Variants in USP25 observed in about 807,000 individuals in gnomAD.
USP25 encodes ubiquitin specific peptidase 25.
A neutral mutation model predicts 158.5 loss-of-function variants in USP25; 85 were observed. The ratio of observed to expected loss-of-function variants is 0.54; its 90% CI spans 0.45 to 0.64. The LOEUF (loss-of-function observed/expected upper bound fraction) is 0.64. Ranked by LOEUF, USP25 falls within the 30% of genes least tolerant of loss-of-function variation. The pLI is 0.00. For missense variants in USP25, 1,242 were observed against 1,327.3 expected, an observed-to-expected ratio of 0.94 and a Z score of 1.00; for synonymous variants, 464 against 460.4, an observed-to-expected ratio of 1.01 and a Z score of -0.10.
At chr21:15,846,122 G>GTATATATATATA (rs34210530) in intron 18 of USP25, among the ~76,000 whole-genome samples, 1 of 55,708 alleles carries the variant, frequency 1.8e-5, no homozygotes, top group Non-Finnish European at 3.1e-5. Flanking sequence ...GTGTGTGTGT[G>GTATATATATATA]TATATATATA....
At position 15,830,743 on chromosome 21, in the gene USP25, T is replaced by C. The variant is rs561328180; in HGVS notation, c.1764+142T>C. On this transcript the variant is annotated intron_variant, in intron 15 of 25. Transcript: ENST00000400183. ...AATCTTATTGTAAAATAATAAGGGC[T>C]TGCAATATGTACAATGTGACAGTTC... is the stretch of plus-strand genomic sequence containing the variant. 2.2e-5 allele frequency: 13 copies of C among 595,696 alleles called. No individual in the cohort carries two copies. The South Asian group carries it at 2.6e-4, about 12-fold the overall frequency. The allele number at this position is 595,696 out of a possible 1,614,324, so 36.9% of individuals were successfully genotyped here. A position where few individuals can be genotyped will look rare whatever the true frequency, so the allele number is the denominator to read the frequency against.
chr21:15,862,908 G>A (rs1236071840), intron 20 of USP25, among the ~76,000 whole-genome samples: 2 of 151,788 alleles, frequency 1.3e-5, no homozygotes, highest in African/African-American at 2.4e-5. Flanking sequence ...ATGTTTATCA[G>A]TTATTTTTTC....
intron 10 of USP25, among the ~76,000 whole-genome samples, chr21:15,819,918 A>G (rs192270980): frequency 3.9e-5 from 6 of 152,128 alleles, no homozygotes; most frequent in Non-Finnish European, 7.4e-5. Flanking sequence ...GAAGAGATGT[A>G]TTTGAAATAG....
intron 10 of USP25, among the ~76,000 whole-genome samples, chr21:15,820,801 A>G (rs1212895171): frequency 6.6e-6 from 1 of 151,916 alleles, no homozygotes; most frequent in Non-Finnish European, 1.5e-5. Flanking sequence ...TGTTGATTTT[A>G]TTTTGGCCCA....
At chr21:15,777,130 T>C (rs887725692) in intron 3 of USP25, among the ~76,000 whole-genome samples, 2 of 152,210 alleles carry the variant, frequency 1.3e-5, no homozygotes, top group African/African-American at 4.8e-5. Context: ...GCGGTATTAG[T>C]TGTAACCTTT....
chr21:15,824,167 G>A lies in USP25; in HGVS notation c.1208+1G>A. 6.2e-7 allele frequency: 1 copy of A among 1,611,490 alleles called. No homozygotes were observed. The highest frequency in any genetic ancestry group is 8.5e-7 in the Non-Finnish European group (1 of 1,179,648). The stretch of plus-strand genomic sequence containing the variant: ...TTCCCCAAGTTTTATATTTGGACAG[G>A]TATGGTTTGATATACTGCATGACTT... On this transcript the variant is annotated splice_donor_variant, in intron 11 of 25. Transcript: ENST00000400183. LOFTEE classifies it high-confidence loss of function.
At position 15,799,837 on chromosome 21, in the gene USP25, C is replaced by G; in HGVS notation, c.636C>G (p.Asn212Lys). 6.2e-7 allele frequency: 1 copy of G among 1,600,878 alleles called. No homozygotes were observed. Among genetic ancestry groups the G allele is most frequent in the African/African-American group, 1.3e-5 (1 of 74,236 alleles). The change falls in exon 6 of 26, where the codon AAC becomes AAG. Residue 212 changes from asparagine to lysine, a missense_variant. Transcript: ENST00000400183. Reference sequence around the variant, plus strand: ...CAAATGCTCAAGATTTACCCCGAAACCAAAAGGTAAAATTCAAAAGATTTT... The same window carrying G: ...CAAATGCTCAAGATTTACCCCGAAAGCAAAAGGTAAAATTCAAAAGATTTT... ...PPSNAQDLPRNQKEHRNLPFM... is the reference protein window; with the variant it reads ...PPSNAQDLPRKQKEHRNLPFM...
intron 20 of USP25, among the ~76,000 whole-genome samples, chr21:15,854,440 G>A (rs1184776710): frequency 6.6e-6 from 1 of 151,964 alleles, no homozygotes; most frequent in South Asian, 2.1e-4. Flanking sequence ...CACCACGCCC[G>A]GCCGTGTTTT....
chr21:15,759,098 G>C (rs2033574651), intron 1 of USP25, among the ~76,000 whole-genome samples: 1 of 152,126 alleles, frequency 6.6e-6, no homozygotes, highest in Non-Finnish European at 1.5e-5. Context: ...AATCAGATTT[G>C]GAGTGCTGGT....
chr21:15,811,097 GA>G (rs1484285986), intron 8 of USP25, 39 bp from the exon 9 acceptor site: 1 of 1,565,080 alleles, frequency 6.4e-7, no homozygotes. Flanking sequence ...TTATAGGTCC[GA>G]AAATTGTAAT....
intron 20 of USP25, among the ~76,000 whole-genome samples, chr21:15,850,817 A>G (rs534887092): frequency 9.9e-5 from 15 of 152,086 alleles, no homozygotes; most frequent in Non-Finnish European, 1.6e-4. Flanking sequence ...TGAGTTTGCT[A>G]AGATTAGGGT....
chr21:15,781,760 T>C (rs2034977868), intron 4 of USP25, among the ~76,000 whole-genome samples: 1 of 152,098 alleles, frequency 6.6e-6, no homozygotes, highest in South Asian at 2.1e-4. Flanking sequence ...TCAGTCCTCA[T>C]CACCACCACA....
chr21:15,754,221 C>T (rs992070185), intron 1 of USP25, among the ~76,000 whole-genome samples: 1 of 152,156 alleles, frequency 6.6e-6, no homozygotes, highest in East Asian at 1.9e-4. Context: ...GTGGTGTGTC[C>T]TGAGCCCCAG....
rs1340211017 is a variant in USP25 at position 15,816,051 on chromosome 21, A to G, written c.932-2647A>G. Among the ~76,000 whole-genome samples, 1 of 152,172 alleles carries G rather than the reference A, an allele frequency of 6.6e-6. No individual in the cohort carries two copies. The highest frequency in any genetic ancestry group is 1.5e-5 in the Non-Finnish European group (1 of 68,030). On this transcript the variant is annotated intron_variant, in intron 9 of 25. Transcript: ENST00000400183. This position sits in a 1 kb window ranked among gnomAD's most constrained non-coding sequence, Gnocchi z 4.0. ...AATGATGTGGTTCAGCTGTGTCCTG[A>G]TGTAAATCTCAACTTGAATTATATC...
At chr21:15,822,931 T>C (rs1371867113) in intron 10 of USP25, among the ~76,000 whole-genome samples, 3 of 152,082 alleles carry the variant, frequency 2.0e-5, no homozygotes, top group African/African-American at 4.8e-5. Flanking sequence ...CAAGTAATTA[T>C]AGCATTTTGA....
intron 4 of USP25, among the ~76,000 whole-genome samples, chr21:15,780,362 G>A (rs1007991317): frequency 6.6e-6 from 1 of 152,030 alleles, no homozygotes; most frequent in African/African-American, 2.4e-5. Context: ...ACACTTTTTA[G>A]TGTCAGAATT....
chr21:15,799,552 T>G (rs1463916168), intron 5 of USP25: 4 of 384,348 alleles, frequency 1.0e-5, no homozygotes, highest in Non-Finnish European at 1.9e-5. Context: ...AATATAATCT[T>G]GTGCACTATC....
chr21:15,871,956 A>T (rs1340049104), intron 23 of USP25, among the ~76,000 whole-genome samples: 3 of 145,714 alleles, frequency 2.1e-5, no homozygotes, highest in Non-Finnish European at 4.5e-5. Flanking sequence ...GCGCCACTGC[A>T]CTCCAGCCTG....
chr21:15,781,773 T>A (rs1349340560), intron 4 of USP25, among the ~76,000 whole-genome samples: 1 of 152,042 alleles, frequency 6.6e-6, no homozygotes, highest in African/African-American at 2.4e-5. Context: ...CCACCACAGG[T>A]GCCAGCAGTC....
Sources: allele counts gnomAD v4.1 joint callset (sites outside exome capture counted in the v4.1 genomes callset), GRCh38; gene constraint gnomAD v4.1.1; non-coding constraint Gnocchi (gnomAD v3.1); transcripts MANE v1.5; gene names NCBI Gene and HGNC (gene_info 2026-07-23, HGNC 2026-07-21).